The following SCN2A variants were observed in gnomAD, a reference collection of about 807,000 sequenced individuals.
The protein encoded by SCN2A is sodium channel protein type 2 subunit alpha.
In SCN2A, 20 loss-of-function variants were observed where a neutral mutation model predicts 188.7. The ratio of observed to expected loss-of-function variants is 0.11; its 90% CI spans 0.07 to 0.15. The LOEUF (loss-of-function observed/expected upper bound fraction) is 0.15, where lower values mean the gene tolerates loss of function less well. Among genes scored for constraint, SCN2A ranks in the 10% least tolerant of loss-of-function variants. The pLI is 1.00. For missense variants in SCN2A, 1,278 were observed against 2,445.0 expected (o/e 0.52, Z 10.07); for synonymous variants, 804 against 833.1 (o/e 0.97, Z 0.60).
At chr2:165,265,502 TATATATATATATA>T (rs1419494013) in intron 1 of SCN2A, among the ~76,000 whole-genome samples, 22 of 128,472 alleles carry the variant, frequency 1.7e-4, no homozygotes, top group Non-Finnish European at 5.1e-5. Flanking sequence ...TATATATATA[TATATATATATATA>T]TTGCTGTGCA....
At chr2:165,378,293 C>T (rs1701416829) in intron 23 of SCN2A, among the ~76,000 whole-genome samples, 2 of 148,576 alleles carry the variant, frequency 1.3e-5, no homozygotes, top group Admixed American at 1.3e-4. Flanking sequence ...TCCCTAGCAC[C>T]AGCAGCTAGC....
chr2:165,341,592 AAAGCAC>A (rs544209819), intron 14 of SCN2A, among the ~76,000 whole-genome samples: 94 of 152,346 alleles, frequency 6.2e-4, no homozygotes, highest in African/African-American at 2.1e-3. Context: ...AGAGAAAGGC[AAAGCAC>A]AGTTACGGAT....
At chr2:165,244,651 CTGTT>C (rs1337809054) in intron 1 of SCN2A, among the ~76,000 whole-genome samples, 2 of 152,050 alleles carry the variant, frequency 1.3e-5, no homozygotes, top group Admixed American at 6.5e-5. Context: ...TTTCAGTTAA[CTGTT>C]TGTACTTACT....
At chr2:165,381,230 A>T in intron 25 of SCN2A, 33 bp downstream of exon 25, 1 of 1,425,714 alleles carries the variant, frequency 7.0e-7, no homozygotes, top group Non-Finnish European at 9.7e-7. Context: ...GCCTGTTAAA[A>T]CTATATTACC....
chr2:165,291,035 CTTTTTTTT>C (rs55979694), intron 1 of SCN2A, among the ~76,000 whole-genome samples: 7 of 79,970 alleles, frequency 8.8e-5, no homozygotes, highest in Non-Finnish European at 1.2e-4. Flanking sequence ...TCTTTTCTTT[CTTTTTTTT>C]TTTTTTTTTT....
intron 1 of SCN2A, among the ~76,000 whole-genome samples, chr2:165,280,095 C>T (rs181221512): frequency 4.8e-4 from 73 of 152,260 alleles, no homozygotes; most frequent in South Asian, 1.4e-3. Flanking sequence ...TGCCCAGTCT[C>T]AGGTATGTCT....
rs777137 is a variant in SCN2A at position 165,302,094 on chromosome 2, C to T, written c.386+4959C>T. On this transcript the variant is annotated intron_variant, in intron 3 of 26. Transcript: ENST00000375437. ...TCTTAGTTGCTCCAACTTACTGATT[C>T]ATTAAATAGTGTCCATACTGAGATA... Among the ~76,000 whole-genome samples, 494 of 152,260 alleles carry T rather than the reference C, an allele frequency of 3.2e-3. 4 individuals carry two copies. Among genetic ancestry groups the T allele is most frequent in the Middle Eastern group, 0.024 (7 of 294 alleles).
intron 1 of SCN2A, chr2:165,273,253 G>C (rs1384345280): frequency 6.6e-6 from 1 of 152,138 alleles, no homozygotes; most frequent in Non-Finnish European, 1.5e-5. Context: ...GAATAAGTTA[G>C]ATGGTGATTA....
intron 11 of SCN2A, among the ~76,000 whole-genome samples, chr2:165,320,611 C>T (rs1698024952): frequency 6.6e-6 from 1 of 152,208 alleles, no homozygotes; most frequent in African/African-American, 2.4e-5. Context: ...TCCCAAATCC[C>T]AGTTATTGAC....
intron 14 of SCN2A, among the ~76,000 whole-genome samples, chr2:165,333,193 A>G (rs1411554306): frequency 6.6e-6 from 1 of 152,022 alleles, no homozygotes; most frequent in Non-Finnish European, 1.5e-5. Flanking sequence ...TATGAAGACA[A>G]TAATTAGGAT....
chr2:165,276,969 A>T (rs1695370405), intron 1 of SCN2A, among the ~76,000 whole-genome samples: 1 of 152,244 alleles, frequency 6.6e-6, no homozygotes, highest in Admixed American at 6.5e-5. Context: ...AGGTCAGGAG[A>T]TGGAGACCAT....
At chr2:165,377,036 A>G (rs1237615633) in intron 22 of SCN2A, among the ~76,000 whole-genome samples, 1 of 152,040 alleles carries the variant, frequency 6.6e-6, no homozygotes, top group African/African-American at 2.4e-5. Flanking sequence ...ATATTTAAAA[A>G]AGGAAATGCA....
At chr2:165,358,608 GATA>G (rs900280224) in intron 17 of SCN2A, among the ~76,000 whole-genome samples, 11 of 151,976 alleles carry the variant, frequency 7.2e-5, no homozygotes, top group Non-Finnish European at 1.3e-4. Flanking sequence ...TAATAATAGT[GATA>G]ATGAGAGACT....
At chr2:165,293,789 A>G (rs1696339616) in intron 1 of SCN2A, 4 of 968,722 alleles carry the variant, frequency 4.1e-6, no homozygotes, top group Non-Finnish European at 4.9e-6. Context: ...TTTCGTTCCA[A>G]GAAAAGCCTG....
intron 19 of SCN2A, 29 bp from the exon 20 acceptor site, chr2:165,370,097 A>G: frequency 1.3e-6 from 2 of 1,597,972 alleles, no homozygotes; most frequent in Non-Finnish European, 1.7e-6. Context: ...TTCTGATCAT[A>G]AAATTTAATA....
At chr2:165,327,139 C>A in intron 13 of SCN2A, 155 bp downstream of exon 13, 6 of 906,482 alleles carry the variant, frequency 6.6e-6, no homozygotes, top group Non-Finnish European at 1.0e-5. Flanking sequence ...CTCATGGATT[C>A]TATTATCTTC....
intron 20 of SCN2A, chr2:165,372,206 A>G (rs1322857741): frequency 6.6e-6 from 1 of 152,176 alleles, no homozygotes; most frequent in African/African-American, 2.4e-5. Context: ...TTTGGATTTT[A>G]AGGGAACTAT....
At chr2:165,284,114 A>G (rs910647955) in intron 1 of SCN2A, among the ~76,000 whole-genome samples, 1 of 151,940 alleles carries the variant, frequency 6.6e-6, no homozygotes, top group Non-Finnish European at 1.5e-5. Context: ...AGGCATGCAT[A>G]CATACACTTT....
intron 1 of SCN2A, chr2:165,294,227 C>A (rs1485235777): frequency 5.6e-6 from 3 of 533,174 alleles, no homozygotes; most frequent in African/African-American, 4.1e-5. Flanking sequence ...GCAGAGGGAC[C>A]ACTTTCATTT....
Sources: gnomAD v4.1 joint callset for allele counts (sites outside exome capture counted in the v4.1 genomes callset) on GRCh38, gnomAD v4.1.1 for gene constraint, MANE v1.5 for transcripts, NCBI Gene and HGNC (gene_info 2026-07-23, HGNC 2026-07-21) for gene names.